Variants in BCL2 observed in about 807,000 individuals in gnomAD.
BCL2 encodes the protein BCL2 apoptosis regulator, also known as apoptosis regulator Bcl-2.
Under a neutral mutation model 14.2 loss-of-function variants are expected in BCL2, and 1 was observed. That is an observed-to-expected ratio of 0.07 (90% CI 0.02 to 0.33). The LOEUF (loss-of-function observed/expected upper bound fraction) is 0.33. Ranked by LOEUF, BCL2 falls within the 10% of genes least tolerant of loss-of-function variation. BCL2 has a pLI of 0.99. For synonymous variants in BCL2, 151 were observed against 137.2 expected (o/e 1.10, Z -0.70); for missense variants, 247 against 305.9 (o/e 0.81, Z 1.44).
At chr18:63,210,316 A>T (rs747483128) in intron 2 of BCL2, among the ~76,000 whole-genome samples, 19 of 152,196 alleles carry the variant, frequency 1.2e-4, no homozygotes, top group Middle Eastern at 3.4e-3. Flanking sequence ...CTCAGGGCTC[A>T]CCCCTGTGGT....
chr18:63,167,918 T>G (rs1915084132), intron 2 of BCL2, among the ~76,000 whole-genome samples: 1 of 141,816 alleles, frequency 7.1e-6, no homozygotes, highest in South Asian at 2.4e-4. Flanking sequence ...AGAGTGAGAC[T>G]CCGTCTCAAA....
At chr18:63,290,016 C>T (rs373303163) in intron 2 of BCL2, among the ~76,000 whole-genome samples, 1 of 152,218 alleles carries the variant, frequency 6.6e-6, no homozygotes, top group East Asian at 1.9e-4. Context: ...AAGGTGGTGG[C>T]AGCAAGACCA....
At chr18:63,294,500 C>G (rs1912746437) in intron 2 of BCL2, among the ~76,000 whole-genome samples, 1 of 151,956 alleles carries the variant, frequency 6.6e-6, no homozygotes, top group Non-Finnish European at 1.5e-5. Context: ...GAAACCCTGT[C>G]TCTACTAAAA....
intron 2 of BCL2, among the ~76,000 whole-genome samples, chr18:63,305,848 G>A (rs527401685): frequency 6.6e-6 from 1 of 152,178 alleles, no homozygotes; most frequent in African/African-American, 2.4e-5. Flanking sequence ...GAGGCAGGAG[G>A]ATTGCTTGAA....
chr18:63,131,042 T>C (rs1412586274), intron 2 of BCL2, among the ~76,000 whole-genome samples: 1 of 152,038 alleles, frequency 6.6e-6, no homozygotes, highest in Non-Finnish European at 1.5e-5. Flanking sequence ...GTGCTACTGG[T>C]ATCTAGTGGG....
chr18:63,226,817 G>T (rs1361416976), intron 2 of BCL2, among the ~76,000 whole-genome samples: 3 of 151,842 alleles, frequency 2.0e-5, no homozygotes, highest in South Asian at 2.1e-4. Context: ...GAAAAAAATA[G>T]AACACAAAAA....
intron 2 of BCL2, among the ~76,000 whole-genome samples, chr18:63,230,480 A>C (rs1037635736): frequency 6.6e-6 from 1 of 152,142 alleles, no homozygotes; most frequent in Non-Finnish European, 1.5e-5. Flanking sequence ...AGGCAATAAT[A>C]AAGACAACAA....
Position 63,319,328 on chromosome 18 carries a change from G to T in BCL2, c.-441C>A. ...GAATCAGGAGTCGCGGGGAGAGGGA[G>T]TAAAAATTAGGAGGATTTCCAGATC... On this transcript the variant is annotated 5_prime_UTR_variant, in exon 1 of 3. Coordinates refer to ENST00000333681, the MANE Select transcript of BCL2 (RefSeq NM_000633.3). 1 of 226,316 alleles carries T rather than the reference G, an allele frequency of 4.4e-6. No homozygotes were observed. 14.0% of individuals were successfully genotyped at this position (226,316 alleles called of 1,614,324 possible). A position where few individuals can be genotyped will look rare whatever the true frequency, so the allele number is the denominator to read the frequency against.
intron 2 of BCL2, among the ~76,000 whole-genome samples, chr18:63,201,769 T>C (rs969541000): frequency 7.9e-5 from 12 of 151,542 alleles, no homozygotes; most frequent in African/African-American, 2.2e-4. Context: ...TAAGTAGGAG[T>C]TGAACAATGA....
At chr18:63,224,713 C>G (rs898808592) in intron 2 of BCL2, among the ~76,000 whole-genome samples, 1 of 152,062 alleles carries the variant, frequency 6.6e-6, no homozygotes, top group Non-Finnish European at 1.5e-5. Context: ...AACACAGGAC[C>G]ACAACAGAGG....
chr18:63,140,112 C>T (rs1434052453), intron 2 of BCL2, among the ~76,000 whole-genome samples: 4 of 152,164 alleles, frequency 2.6e-5, no homozygotes, highest in Non-Finnish European at 5.9e-5. Context: ...AGATCACATC[C>T]ACTAGAGTGG....
intron 2 of BCL2, among the ~76,000 whole-genome samples, chr18:63,173,491 T>C (rs1160610197): frequency 6.6e-6 from 1 of 152,246 alleles, no homozygotes; most frequent in Non-Finnish European, 1.5e-5. Flanking sequence ...TAAAAAGTTA[T>C]AGTCATCAGA....
At chr18:63,169,824 G>A (rs189167596) in intron 2 of BCL2, among the ~76,000 whole-genome samples, 61 of 152,040 alleles carry the variant, frequency 4.0e-4, no homozygotes, top group African/African-American at 1.1e-3. Context: ...TGCCCAGCGC[G>A]TTTTCTTTAA....
At chr18:63,192,487 C>G (rs561430793) in intron 2 of BCL2, among the ~76,000 whole-genome samples, 9 of 152,270 alleles carry the variant, frequency 5.9e-5, no homozygotes, top group Non-Finnish European at 8.8e-5. Flanking sequence ...GGTGATAAGA[C>G]AAGCTAAAAA....
At chr18:63,156,087 CAAA>C (rs10640757) in intron 2 of BCL2, among the ~76,000 whole-genome samples, 10 of 64,250 alleles carry the variant, frequency 1.6e-4, no homozygotes, top group African/African-American at 3.3e-4. Flanking sequence ...GCTGAGAAGC[CAAA>C]AAAAAAAAAA....
chr18:63,244,270 C>T (rs1026156401), intron 2 of BCL2, among the ~76,000 whole-genome samples: 3 of 152,046 alleles, frequency 2.0e-5, no homozygotes, highest in African/African-American at 4.8e-5. Context: ...CCCAGCTACT[C>T]GGGAGGCTGA....
At chr18:63,271,244 T>C (rs1344727635) in intron 2 of BCL2, among the ~76,000 whole-genome samples, 1 of 152,244 alleles carries the variant, frequency 6.6e-6, no homozygotes, top group East Asian at 1.9e-4. Flanking sequence ...TTTCCCAGTC[T>C]CTTGGAATTC....
intron 2 of BCL2, among the ~76,000 whole-genome samples, chr18:63,284,410 C>T (rs917469284): frequency 2.6e-5 from 4 of 152,122 alleles, no homozygotes; most frequent in Non-Finnish European, 5.9e-5. Flanking sequence ...ATGCAAGGAC[C>T]CAAGTGTGTG....
chr18:63,145,308 C>T (rs1009726), intron 2 of BCL2, among the ~76,000 whole-genome samples: 7 of 152,078 alleles, frequency 4.6e-5, no homozygotes, highest in Admixed American at 1.3e-4. Flanking sequence ...CTCCACACCA[C>T]GGACAGAGCA....
Sources: gnomAD v4.1 joint callset for allele counts (sites outside exome capture counted in the v4.1 genomes callset) on GRCh38, gnomAD v4.1.1 for gene constraint, MANE v1.5 for transcripts, NCBI Gene and HGNC (gene_info 2026-07-23, HGNC 2026-07-21) for gene names.